The following GRIK3 variants were observed in gnomAD, a reference collection of about 807,000 sequenced individuals.
GRIK3 encodes glutamate ionotropic receptor kainate type subunit 3, also known as glutamate receptor ionotropic, kainate 3.
A neutral mutation model predicts 102.5 loss-of-function variants in GRIK3; 29 were observed. That is an observed-to-expected ratio of 0.28 (90% CI 0.21 to 0.39). The LOEUF (loss-of-function observed/expected upper bound fraction) is 0.39, where lower values mean the gene tolerates loss of function less well. GRIK3 is among the 10% of genes least tolerant of loss of function. The pLI is 1.00. For synonymous variants in GRIK3, 511 were observed against 504.9 expected (o/e 1.01, Z -0.16); for missense variants, 908 against 1,252.4 (o/e 0.73, Z 4.15).
rs1433102942 is a variant in GRIK3, at chr1:36,806,866, C to A, written c.2092-540G>T. Among the ~76,000 whole-genome samples the A allele has an allele frequency of 6.6e-6, 1 of 152,172 alleles. No homozygotes were observed. Among genetic ancestry groups the A allele is most frequent in the Non-Finnish European group, 1.5e-5 (1 of 68,040 alleles). On this transcript the variant is annotated intron_variant, in intron 13 of 15. Transcript: ENST00000373091. The surrounding 1 kb of genome is among the most constrained non-coding windows in gnomAD (Gnocchi z 4.0). ...TACCCCTAACCCCTCAGCTGCCCTGCCTCACAGAAACCACTGTGAGGGTGG... is the reference window on the plus strand; with the variant it reads ...TACCCCTAACCCCTCAGCTGCCCTGACTCACAGAAACCACTGTGAGGGTGG...
chr1:36,986,416 GTCCATCCATCCA>G (rs34375905), intron 1 of GRIK3, among the ~76,000 whole-genome samples: 30 of 130,786 alleles, frequency 2.3e-4, no homozygotes, highest in African/African-American at 6.7e-4. Flanking sequence ...CCATCTCTCT[GTCCATCCATCCA>G]TCCATCCATC....
At chr1:36,913,335 C>T (rs560580041) in intron 1 of GRIK3, among the ~76,000 whole-genome samples, 2 of 152,292 alleles carry the variant, frequency 1.3e-5, no homozygotes, top group African/African-American at 4.8e-5. Flanking sequence ...TAAGGTCACT[C>T]CAGAAATGAG....
chr1:36,855,305 C>T (rs1180714466), intron 7 of GRIK3, among the ~76,000 whole-genome samples: 2 of 152,232 alleles, frequency 1.3e-5, no homozygotes, highest in African/African-American at 2.4e-5. Flanking sequence ...GCTCCACAGC[C>T]TCTCCCTGCG....
intron 1 of GRIK3, among the ~76,000 whole-genome samples, chr1:37,025,390 C>G (rs140992899): frequency 1.9e-3 from 296 of 152,296 alleles, no homozygotes; most frequent in African/African-American, 6.8e-3. Flanking sequence ...AGAAGCTCTG[C>G]GGATGGGGCC....
At chr1:36,915,732 A>G (rs118030097) in intron 1 of GRIK3, among the ~76,000 whole-genome samples, 1 of 152,152 alleles carries the variant, frequency 6.6e-6, no homozygotes, top group East Asian at 1.9e-4. Flanking sequence ...GTTTGCCACC[A>G]TGTAAGACAT....
intron 1 of GRIK3, among the ~76,000 whole-genome samples, chr1:37,013,633 T>G (rs905317250): frequency 5.3e-5 from 8 of 152,196 alleles, no homozygotes; most frequent in African/African-American, 1.9e-4. Context: ...TTCTTAGCCG[T>G]GCAATGCTGG....
At chr1:36,836,528 G>A (rs2124210230) in intron 10 of GRIK3, among the ~76,000 whole-genome samples, 1 of 152,336 alleles carries the variant, frequency 6.6e-6, no homozygotes, top group Admixed American at 6.5e-5. Context: ...ACCCTCCCTG[G>A]TCTGCACTCA....
chr1:36,953,683 A>C (rs2124337458), intron 1 of GRIK3, among the ~76,000 whole-genome samples: 1 of 152,060 alleles, frequency 6.6e-6, no homozygotes, highest in East Asian at 2.0e-4. Context: ...TAGGGACCCC[A>C]CAGGTTTCCA....
chr1:36,860,177 G>C (rs144472863), intron 5 of GRIK3, among the ~76,000 whole-genome samples, 160 bp from the exon 6 acceptor site: 1 of 152,200 alleles, frequency 6.6e-6, no homozygotes, highest in East Asian at 1.9e-4. Flanking sequence ...GTAGTCACAG[G>C]AGCACCCATA....
intron 2 of GRIK3, among the ~76,000 whole-genome samples, chr1:36,884,275 A>G (rs1641015197): frequency 6.6e-6 from 1 of 152,210 alleles, no homozygotes; most frequent in Non-Finnish European, 1.5e-5. Context: ...TGTGTGAGAC[A>G]AACCACAGTG....
intron 1 of GRIK3, among the ~76,000 whole-genome samples, chr1:36,959,715 TG>T (rs1342234080): frequency 8.4e-6 from 1 of 119,188 alleles, no homozygotes; most frequent in African/African-American, 2.9e-5. Flanking sequence ...CTGTGTGCTT[TG>T]TGAGTCGGTG....
chr1:37,021,091 AGTGTGTGTGTGT>A (rs140990633), intron 1 of GRIK3, among the ~76,000 whole-genome samples: 6 of 143,932 alleles, frequency 4.2e-5, no homozygotes, highest in South Asian at 2.3e-4. Flanking sequence ...CAAATTTGCA[AGTGTGTGTGTGT>A]GTGTGTGTGT....
chr1:36,799,763 C>T lies in GRIK3; in HGVS notation c.*2088G>A, dbSNP rs1642419467. 6.6e-6 allele frequency: 1 copy of T among 152,170 alleles called. No individual in the cohort carries two copies. The highest frequency in any genetic ancestry group is 2.4e-5 in the African/African-American group (1 of 41,422). The allele number at this position is 152,170 out of a possible 1,614,324, so 9.4% of individuals were successfully genotyped here. A position where few individuals can be genotyped will look rare whatever the true frequency, so the allele number is the denominator to read the frequency against. On this transcript the variant is annotated 3_prime_UTR_variant, in exon 16 of 16. Coordinates refer to ENST00000373091, the MANE Select transcript of GRIK3 (RefSeq NM_000831.4). ...TTGTCTCCCTCGTCCCCAATTCACT[C>T]AGATACACATACGCACGCATATGCA... is the stretch of plus-strand genomic sequence containing the variant.
intron 1 of GRIK3, among the ~76,000 whole-genome samples, chr1:36,943,977 C>T (rs926963856): frequency 3.3e-5 from 5 of 152,222 alleles, no homozygotes; most frequent in Non-Finnish European, 7.3e-5. Flanking sequence ...CAGACAGGGA[C>T]TTTAGCTTGG....
intron 10 of GRIK3, among the ~76,000 whole-genome samples, chr1:36,838,396 A>C (rs906951397): frequency 2.0e-5 from 3 of 152,222 alleles, no homozygotes; most frequent in Admixed American, 6.5e-5. Context: ...GAAACAGACA[A>C]GTAGGCAGTA....
chr1:36,989,570 G>A (rs376146954), intron 1 of GRIK3, among the ~76,000 whole-genome samples: 2 of 152,216 alleles, frequency 1.3e-5, no homozygotes, highest in Non-Finnish European at 1.5e-5. Context: ...CATGGCAGAG[G>A]GAGCTGTCAG....
intron 1 of GRIK3, among the ~76,000 whole-genome samples, chr1:36,901,015 C>T (rs1641227993): frequency 6.6e-6 from 1 of 152,128 alleles, no homozygotes; most frequent in Non-Finnish European, 1.5e-5. Flanking sequence ...TTGAACAGGA[C>T]TCTCTCTATT....
At chr1:37,022,172 C>A (rs1642721844) in intron 1 of GRIK3, among the ~76,000 whole-genome samples, 1 of 152,254 alleles carries the variant, frequency 6.6e-6, no homozygotes, top group Admixed American at 6.5e-5. Context: ...GACCAGTTGT[C>A]TACATACCCT....
chr1:36,950,496 A>G (rs1641832772), intron 1 of GRIK3, among the ~76,000 whole-genome samples: 1 of 152,220 alleles, frequency 6.6e-6, no homozygotes, highest in South Asian at 2.1e-4. Context: ...CCAATGTTTA[A>G]GCCCATCTTT....
Sources: gnomAD v4.1 joint callset for allele counts (sites outside exome capture counted in the v4.1 genomes callset) on GRCh38, gnomAD v4.1.1 for gene constraint, Gnocchi (gnomAD v3.1) non-coding constraint, MANE v1.5 for transcripts, NCBI Gene and HGNC (gene_info 2026-07-23, HGNC 2026-07-21) for gene names.